Variants in PCBP3 observed in about 807,000 individuals in gnomAD.
The protein encoded by PCBP3 is poly(rC) binding protein 3.
A neutral mutation model predicts 52.7 loss-of-function variants in PCBP3; 25 were observed. The ratio of observed to expected loss-of-function variants is 0.47; its 90% confidence interval spans 0.35 to 0.66. PCBP3 has a LOEUF of 0.66. Ranked by LOEUF, PCBP3 falls within the 30% of genes least tolerant of loss-of-function variation. The pLI is 0.01. For missense variants in PCBP3, 391 were observed against 490.3 expected, an observed-to-expected ratio of 0.80 and a Z score of 1.91; for synonymous variants, 162 against 183.0, an observed-to-expected ratio of 0.89 and a Z score of 0.93.
intron 4 of PCBP3, among the ~76,000 whole-genome samples, chr21:45,770,870 C>T (rs2089810499): frequency 6.6e-6 from 1 of 152,262 alleles, no homozygotes; most frequent in Non-Finnish European, 1.5e-5. Context: ...CCATGGCACA[C>T]TGCTTTTCAG....
rs907789728 is a variant in PCBP3, at chr21:45,805,826, A to G, written c.-125-44135A>G. 5.3e-5 allele frequency among the ~76,000 whole-genome samples: 8 copies of G among 152,034 alleles called. No homozygotes were observed. Among genetic ancestry groups the G allele is most frequent in the Non-Finnish European group, 1.0e-4 (7 of 68,000 alleles). On this transcript the variant is annotated intron_variant, in intron 4 of 17. Transcript: ENST00000681687. The surrounding 1 kb of genome is among the most constrained non-coding windows in gnomAD (Gnocchi z 4.6). ...GCGCTCCTGTCTTTCTGTGGCAGCG[A>G]AGGTGGCATTCCCTCCTAGCACCTG...
intron 5 of PCBP3, among the ~76,000 whole-genome samples, chr21:45,894,795 A>G (rs551198329): frequency 1.3e-5 from 2 of 152,370 alleles, no homozygotes; most frequent in Admixed American, 1.3e-4. Context: ...GAGCATTCTT[A>G]TGCAAGGGTG....
At position 45,904,154 on chromosome 21, in the gene PCBP3, G is replaced by A. The variant is rs776927454; in HGVS notation, c.339+3041G>A. On this transcript the variant is annotated intron_variant, in intron 9 of 17. Transcript: ENST00000681687. The surrounding 1 kb of genome is among the most constrained non-coding windows in gnomAD (Gnocchi z 4.8). ...TACGTAGGTTATGTAGGGCTGTGCT[G>A]AGTCCTCTACAGTCATTTGTCATCT... Among the ~76,000 whole-genome samples the A allele has an allele frequency of 2.0e-5, 3 of 152,184 alleles. No individual in the cohort carries two copies. The highest frequency in any genetic ancestry group is 4.8e-5 in the African/African-American group (2 of 41,442).
intron 4 of PCBP3, among the ~76,000 whole-genome samples, chr21:45,804,357 A>G (rs1428166469): frequency 6.6e-6 from 1 of 152,206 alleles, no homozygotes; most frequent in African/African-American, 2.4e-5. Flanking sequence ...TGCCCACACC[A>G]TCCATGTAGA....
intron 5 of PCBP3, among the ~76,000 whole-genome samples, chr21:45,862,876 T>A (rs765310617): frequency 3.9e-5 from 6 of 152,206 alleles, no homozygotes; most frequent in Non-Finnish European, 7.3e-5. Flanking sequence ...GGGATCAAGG[T>A]AAGAAGCCTG....
rs2079115684 is a variant in PCBP3 at position 45,644,345 on chromosome 21, C to A, written c.-279+477C>A. On this transcript the variant is annotated intron_variant, in intron 1 of 17. Coordinates refer to ENST00000681687, the MANE Select transcript of PCBP3 (RefSeq NM_001384156.1). The stretch of plus-strand genomic sequence containing the variant: ...GACGGCCGCCGGGAGAGCGCGGCCT[C>A]ACCCCTCGGTGACCCTGCGGAGAGC... Among the ~76,000 whole-genome samples, 7 of 151,830 alleles carry A rather than the reference C, an allele frequency of 4.6e-5. No individual in the cohort carries two copies. The South Asian group carries it at 1.5e-3, about 31-fold the overall frequency.
rs560847527 is a variant in PCBP3, at chr21:45,791,749, C to T, written c.-126+36297C>T. The stretch of plus-strand genomic sequence containing the variant: ...CTTGGTTTCCCTGGTAACTGCCAAC[C>T]GCTTGACTGACTGCACAGCAAGTGT... On this transcript the variant is annotated intron_variant, in intron 4 of 17. Coordinates refer to ENST00000681687, the MANE Select transcript of PCBP3 (RefSeq NM_001384156.1). This position sits in a 1 kb window ranked among gnomAD's most constrained non-coding sequence, Gnocchi z 4.2. 9.8e-5 allele frequency among the ~76,000 whole-genome samples: 15 copies of T among 152,328 alleles called. No individual in the cohort carries two copies. The highest frequency in any genetic ancestry group is 3.4e-4 in the African/African-American group (14 of 41,576).
At chr21:45,649,175 A>G (rs2079521582) in intron 1 of PCBP3, among the ~76,000 whole-genome samples, 1 of 152,224 alleles carries the variant, frequency 6.6e-6, no homozygotes, top group South Asian at 2.1e-4. Flanking sequence ...CTCACATGGC[A>G]GCAGACAAGA....
At chr21:45,862,252 T>C (rs1376785284) in intron 5 of PCBP3, among the ~76,000 whole-genome samples, 1 of 152,096 alleles carries the variant, frequency 6.6e-6, no homozygotes, top group Non-Finnish European at 1.5e-5. Flanking sequence ...CTGTAACAAT[T>C]CAAAATACCT....
At chr21:45,655,881 C>T (rs1452938243) in intron 1 of PCBP3, among the ~76,000 whole-genome samples, 2 of 152,054 alleles carry the variant, frequency 1.3e-5, no homozygotes, top group Non-Finnish European at 2.9e-5. Context: ...AGCCAACAGA[C>T]ACATGAAAAA....
chr21:45,909,535 T>TGC, intron 10 of PCBP3, 49 bp downstream of exon 10: 1 of 1,588,974 alleles, frequency 6.3e-7, no homozygotes, highest in Non-Finnish European at 8.6e-7. Flanking sequence ...CTAGGCGGGC[T>TGC]GCGGGTGGTG....
intron 2 of PCBP3, among the ~76,000 whole-genome samples, chr21:45,710,669 T>C (rs527394297): frequency 5.3e-4 from 80 of 152,316 alleles, no homozygotes; most frequent in African/African-American, 1.9e-3. Context: ...TTCTCTGTCT[T>C]TCCATACTGT....
intron 1 of PCBP3, among the ~76,000 whole-genome samples, chr21:45,659,858 G>C (rs1287962524): frequency 6.6e-6 from 1 of 151,736 alleles, no homozygotes; most frequent in Admixed American, 6.6e-5. Context: ...TTATTTTCTT[G>C]GCTAACACCT....
At chr21:45,814,133 G>A (rs1025973589) in intron 4 of PCBP3, among the ~76,000 whole-genome samples, 13 of 152,230 alleles carry the variant, frequency 8.5e-5, no homozygotes, top group Non-Finnish European at 1.8e-4. Context: ...TGACACAGTG[G>A]CAATTGTGTG....
intron 4 of PCBP3, among the ~76,000 whole-genome samples, chr21:45,770,145 G>A (rs564281075): frequency 5.8e-4 from 88 of 152,264 alleles, no homozygotes; most frequent in African/African-American, 1.9e-3. Flanking sequence ...TCTGAACGGC[G>A]CCCCTGAACT....
At chr21:45,653,984 A>T (rs1453036279) in intron 1 of PCBP3, among the ~76,000 whole-genome samples, 1 of 152,134 alleles carries the variant, frequency 6.6e-6, no homozygotes, top group East Asian at 1.9e-4. Flanking sequence ...TCCTAGACAG[A>T]TCATAGTTTC....
At chr21:45,739,586 G>GCCC (rs398036502) in intron 3 of PCBP3, among the ~76,000 whole-genome samples, 1,392 of 27,980 alleles carry the variant, frequency 0.05, 130 homozygotes, top group Non-Finnish European at 0.064. Flanking sequence ...TCCTCTGGGT[G>GCCC]CCCCCCCCCA....
chr21:45,860,101 C>T (rs188203207), intron 5 of PCBP3, among the ~76,000 whole-genome samples: 47 of 152,264 alleles, frequency 3.1e-4, no homozygotes, highest in Admixed American at 2.3e-3. Context: ...TCCTGGACTT[C>T]AGTGGGTAAC....
At chr21:45,679,093 T>A (rs536547996) in intron 2 of PCBP3, among the ~76,000 whole-genome samples, 122 of 151,964 alleles carry the variant, frequency 8.0e-4, no homozygotes, top group African/African-American at 2.7e-3. Flanking sequence ...TTTTTTTTTT[T>A]TTTTTTTAGC....
Sources: gnomAD v4.1 joint callset for allele counts (sites outside exome capture counted in the v4.1 genomes callset) on GRCh38, gnomAD v4.1.1 for gene constraint, Gnocchi (gnomAD v3.1) non-coding constraint, MANE v1.5 for transcripts, NCBI Gene and HGNC (gene_info 2026-07-23, HGNC 2026-07-21) for gene names.